Variants in CNTN4 observed in about 807,000 individuals in gnomAD.
CNTN4 encodes the protein contactin-4.
In CNTN4, 77 loss-of-function variants were observed where a neutral mutation model predicts 122.5. The ratio of observed to expected loss-of-function variants is 0.63; its 90% CI spans 0.52 to 0.76. The LOEUF (loss-of-function observed/expected upper bound fraction) is 0.76. Among genes scored for constraint, CNTN4 ranks in the 30% least tolerant of loss-of-function variants. The pLI is 0.00. For synonymous variants in CNTN4, 512 were observed against 447.0 expected (o/e 1.15, Z -1.83); for missense variants, 1,256 against 1,259.1 (o/e 1.00, Z 0.04).
intron 3 of CNTN4, among the ~76,000 whole-genome samples, chr3:2,411,354 A>C (rs893979493): frequency 8.5e-5 from 13 of 152,172 alleles, no homozygotes; most frequent in African/African-American, 3.1e-4. Context: ...AAAGAAGAAA[A>C]ACTGATATGC....
At chr3:3,049,574 A>G (rs926405986) in intron 23 of CNTN4, among the ~76,000 whole-genome samples, 4 of 152,234 alleles carry the variant, frequency 2.6e-5, no homozygotes, top group East Asian at 3.8e-4. Context: ...CCTACCAGCC[A>G]TAAATAAATA....
chr3:2,655,214 T>C (rs1423273354), intron 4 of CNTN4, among the ~76,000 whole-genome samples: 5 of 152,214 alleles, frequency 3.3e-5, no homozygotes, highest in African/African-American at 1.2e-4. Context: ...ATGTTGCCTT[T>C]TGAATCATTA....
chr3:2,942,617 G>C (rs975915607), intron 13 of CNTN4, among the ~76,000 whole-genome samples: 1 of 152,164 alleles, frequency 6.6e-6, no homozygotes, highest in African/African-American at 2.4e-5. Flanking sequence ...CTTTTTAATG[G>C]TGAAGCTTGA....
chr3:3,043,031 G>A lies in CNTN4; in HGVS notation c.2566G>A (p.Val856Ile), dbSNP rs1700306950. 4.3e-6 allele frequency: 7 copies of A among 1,614,164 alleles called. No homozygotes were observed. The highest frequency in any genetic ancestry group is 5.9e-6 in the Non-Finnish European group (7 of 1,180,010). ...AGAAAATGCTAGAAAAATACGAACA[G>A]TTGGAAATCAGACATCAACAAAAAT... ...KEENARKIRT[V>I]GNQTSTKITN... The change falls in exon 22 of 25, where the codon GTT becomes ATT. Residue 856 changes from valine to isoleucine, a missense_variant. Transcript: ENST00000418658.
chr3:2,626,067 T>G (rs1360089339), intron 4 of CNTN4, among the ~76,000 whole-genome samples: 1 of 152,240 alleles, frequency 6.6e-6, no homozygotes, highest in Non-Finnish European at 1.5e-5. Flanking sequence ...TTCTGTGTAT[T>G]CTGGGCACTA....
intron 23 of CNTN4, among the ~76,000 whole-genome samples, chr3:3,050,414 G>T (rs764029005): frequency 6.6e-6 from 1 of 152,130 alleles, no homozygotes; most frequent in African/African-American, 2.4e-5. Context: ...GCCAGAGAGG[G>T]AAAGCAATTT....
At position 2,571,567 on chromosome 3, in the gene CNTN4, T is replaced by G. The variant is rs763477802; in HGVS notation, c.55+9T>G. ...CATTTTGTGCCTTGCAGGTAGAGTG[T>G]CATTTTAAAACTTTTTGATTTAGAA... is the stretch of plus-strand genomic sequence containing the variant. On this transcript the variant is annotated intron_variant, in intron 4 of 24. Transcript: ENST00000418658. 1 of 1,608,308 alleles carries G rather than the reference T, an allele frequency of 6.2e-7. No individual in the cohort carries two copies. Among genetic ancestry groups the G allele is most frequent in the South Asian group, 1.1e-5 (1 of 90,974 alleles).
intron 12 of CNTN4, among the ~76,000 whole-genome samples, chr3:2,903,587 C>G (rs1373719341): frequency 6.6e-6 from 1 of 152,112 alleles, no homozygotes; most frequent in Non-Finnish European, 1.5e-5. Flanking sequence ...AACGCTTTTC[C>G]TTCCCCTCTT....
chr3:2,180,780 G>A (rs2036979633), intron 2 of CNTN4, among the ~76,000 whole-genome samples: 1 of 152,112 alleles, frequency 6.6e-6, no homozygotes. Context: ...GTGACTGACA[G>A]CGATGCCTTA....
intron 2 of CNTN4, among the ~76,000 whole-genome samples, chr3:2,267,756 T>A (rs2149793681): frequency 6.6e-6 from 1 of 152,244 alleles, no homozygotes; most frequent in South Asian, 2.1e-4. Context: ...ATATTGGATT[T>A]TCTTATGTAC....
chr3:2,444,232 G>A (rs1281342972), intron 3 of CNTN4, among the ~76,000 whole-genome samples: 1 of 147,938 alleles, frequency 6.8e-6, no homozygotes, highest in Non-Finnish European at 1.5e-5. Context: ...AAAAGCAGAA[G>A]TTAATAACAT....
chr3:2,302,221 G>T (rs1395080967), intron 2 of CNTN4, among the ~76,000 whole-genome samples: 2 of 152,262 alleles, frequency 1.3e-5, no homozygotes, highest in East Asian at 3.9e-4. Flanking sequence ...ATGAGGTCAG[G>T]AATTTGAGAC....
intron 2 of CNTN4, among the ~76,000 whole-genome samples, chr3:2,197,770 C>T (rs1376709573): frequency 6.6e-6 from 1 of 152,078 alleles, no homozygotes; most frequent in Non-Finnish European, 1.5e-5. Flanking sequence ...AATAACAGCA[C>T]TTTAGGAGGC....
At chr3:2,719,464 TTTTAG>T (rs2087707492) in intron 4 of CNTN4, among the ~76,000 whole-genome samples, 1 of 152,152 alleles carries the variant, frequency 6.6e-6, no homozygotes, top group African/African-American at 2.4e-5. Context: ...CCAGCTGATT[TTTTAG>T]CAGAGACAGG....
chr3:2,469,228 C>T (rs1270779595), intron 3 of CNTN4, among the ~76,000 whole-genome samples: 2 of 152,186 alleles, frequency 1.3e-5, no homozygotes, highest in African/African-American at 2.4e-5. Flanking sequence ...TGTACTAAGA[C>T]ATAACCATTT....
intron 8 of CNTN4, among the ~76,000 whole-genome samples, chr3:2,875,097 C>T (rs1201972486): frequency 1.3e-5 from 2 of 152,050 alleles, no homozygotes; most frequent in Admixed American, 1.3e-4. Context: ...ATTCTCTTGC[C>T]CCAGCCTCCC....
chr3:2,938,660 G>A (rs2094586370), intron 13 of CNTN4, among the ~76,000 whole-genome samples: 1 of 152,066 alleles, frequency 6.6e-6, no homozygotes, highest in African/African-American at 2.4e-5. Context: ...AGCTTTTCCT[G>A]TTACTCATTT....
At chr3:2,444,313 T>C (rs1053978056) in intron 3 of CNTN4, among the ~76,000 whole-genome samples, 39 of 151,740 alleles carry the variant, frequency 2.6e-4, no homozygotes, top group Non-Finnish European at 4.0e-4. Flanking sequence ...GAGAATCACC[T>C]AGGAGAAGAG....
chr3:2,295,373 A>T lies in CNTN4; in HGVS notation c.-144-43805A>T, dbSNP rs566983388. On this transcript the variant is annotated intron_variant, in intron 2 of 24. Transcript: ENST00000418658. ...TGACTTTTGAATGATCGCCATTGTA[A>T]CTGGTGTGAGATGGTATCTCATTGT... Among the ~76,000 whole-genome samples the T allele has an allele frequency of 3.7e-3, 495 of 134,414 alleles. 16 individuals are homozygous for T. The highest frequency in any genetic ancestry group is 0.014 in the African/African-American group (480 of 33,838). The allele number at this position is 134,414 out of a possible 152,430, so 88.2% of individuals were successfully genotyped here.
Sources: allele counts gnomAD v4.1 joint callset (sites outside exome capture counted in the v4.1 genomes callset), GRCh38; gene constraint gnomAD v4.1.1; transcripts MANE v1.5; gene names NCBI Gene and HGNC (gene_info 2026-07-23, HGNC 2026-07-21).